Variants in SS18 observed in about 807,000 individuals in gnomAD.
SS18 encodes protein SSXT.
In SS18, 28 loss-of-function variants were observed where a neutral mutation model predicts 72.5. The ratio of observed to expected loss-of-function variants is 0.39; its 90% CI spans 0.29 to 0.53. The LOEUF (loss-of-function observed/expected upper bound fraction) is 0.53, where lower values mean the gene tolerates loss of function less well. SS18 is among the 20% of genes least tolerant of loss of function. The pLI is 0.76. For missense variants in SS18, 518 were observed against 535.3 expected, an observed-to-expected ratio of 0.97 and a Z score of 0.32; for synonymous variants, 172 against 164.2, an observed-to-expected ratio of 1.05 and a Z score of -0.37.
At chr18:26,057,533 G>T in intron 4 of SS18, 56 bp downstream of exon 4, 1 of 1,603,766 alleles carries the variant, frequency 6.2e-7, no homozygotes, top group South Asian at 1.1e-5. Flanking sequence ...GAGCCCCCAT[G>T]TCGTTTCAGT....
intron 2 of SS18, among the ~76,000 whole-genome samples, chr18:26,084,509 T>A (rs2054583480): frequency 6.6e-6 from 1 of 152,124 alleles, no homozygotes; most frequent in South Asian, 2.1e-4. Flanking sequence ...AACTTTATGG[T>A]GAACAAACCA....
chr18:26,027,786 C>A (rs187599655), intron 10 of SS18, among the ~76,000 whole-genome samples: 2 of 149,286 alleles, frequency 1.3e-5, no homozygotes, highest in Non-Finnish European at 3.0e-5. Flanking sequence ...TCATACTTCA[C>A]ACCATACATA....
chr18:26,047,259 C>CAAAAAAAAAAAAA (rs71169806), intron 5 of SS18, among the ~76,000 whole-genome samples: 6 of 75,738 alleles, frequency 7.9e-5, no homozygotes, highest in Admixed American at 1.6e-4. Flanking sequence ...AGTAATATGC[C>CAAAAAAAAAAAAA]AAAAAAAAAA....
At chr18:26,083,615 ATTTG>A (rs959281814) in intron 2 of SS18, among the ~76,000 whole-genome samples, 18 of 152,202 alleles carry the variant, frequency 1.2e-4, no homozygotes, top group African/African-American at 4.3e-4. Flanking sequence ...AATGGTAAGT[ATTTG>A]TTTATCTACA....
In SS18 at chr18:26,082,381, T is replaced by C. The variant is rs532881318; in HGVS notation, c.147-4221A>G. ...ACCTTACCTAGAAGCTATGAATATTTATTAGACAACGGGAATGCACTTTAT... is the reference window on the plus strand; with the variant it reads ...ACCTTACCTAGAAGCTATGAATATTCATTAGACAACGGGAATGCACTTTAT... On this transcript the variant is annotated intron_variant, in intron 2 of 10. Coordinates refer to ENST00000415083, the MANE Select transcript of SS18 (RefSeq NM_001007559.3). 1.9e-4 allele frequency: 178 copies of C among 951,462 alleles called. No individual in the cohort carries two copies. The African/African-American group carries it at 2.9e-3, about 16-fold the overall frequency. The allele number at this position is 951,462 out of a possible 1,614,324, so 58.9% of individuals were successfully genotyped here. A position where few individuals can be genotyped will look rare whatever the true frequency, so the allele number is the denominator to read the frequency against.
chr18:26,036,089 A>G (rs1157823771), intron 7 of SS18, among the ~76,000 whole-genome samples, 166 bp from the exon 8 acceptor site: 1 of 152,226 alleles, frequency 6.6e-6, no homozygotes, highest in Non-Finnish European at 1.5e-5. Context: ...GATTGTTTTC[A>G]TATTGAGATA....
At chr18:26,034,541 G>T (rs2053595810) in intron 9 of SS18, among the ~76,000 whole-genome samples, 1 of 150,104 alleles carries the variant, frequency 6.7e-6, no homozygotes, top group African/African-American at 2.5e-5. Flanking sequence ...TTTAGGGAAT[G>T]ACAAAAACAT....
chr18:26,058,755 C>T (rs1195884895), intron 3 of SS18, among the ~76,000 whole-genome samples: 1 of 152,206 alleles, frequency 6.6e-6, no homozygotes, highest in South Asian at 2.1e-4. Context: ...TAATAGCACA[C>T]ATTTTAAAAT....
intron 7 of SS18, among the ~76,000 whole-genome samples, chr18:26,038,066 C>T (rs2053655364): frequency 6.6e-6 from 1 of 152,052 alleles, no homozygotes; most frequent in East Asian, 1.9e-4. Flanking sequence ...TTCTCAAAGG[C>T]AAGCACTAAT....
chr18:26,063,206 C>T (rs141021735), intron 3 of SS18, among the ~76,000 whole-genome samples: 15 of 143,118 alleles, frequency 1.0e-4, no homozygotes, highest in East Asian at 9.6e-4. Flanking sequence ...ATCAGTAGGC[C>T]GGGCACAGTG....
rs1002570260 is a variant in SS18, at chr18:26,090,417, G to T, written c.69+84C>A. On this transcript the variant is annotated intron_variant, in intron 1 of 10. Transcript: ENST00000415083. ...GGCCCGCCTCCGCCTCGGCCCGGTC[G>T]ACTCCGGGCCCGGCCCTTCCCCCCG... 5.0e-6 allele frequency: 7 copies of T among 1,395,058 alleles called. 1 individual carries two copies. The Middle Eastern group carries it at 1.2e-3, about 237-fold the overall frequency. The allele number at this position is 1,395,058 out of a possible 1,614,324, so 86.4% of individuals were successfully genotyped here.
chr18:26,046,824 T>C (rs1379566259), intron 5 of SS18, among the ~76,000 whole-genome samples: 3 of 152,228 alleles, frequency 2.0e-5, no homozygotes, highest in East Asian at 3.9e-4. Flanking sequence ...AACTGACAGA[T>C]GCACAGTGAC....
intron 3 of SS18, among the ~76,000 whole-genome samples, chr18:26,069,934 A>T (rs2054284922): frequency 6.6e-6 from 1 of 152,220 alleles, no homozygotes; most frequent in African/African-American, 2.4e-5. Flanking sequence ...CCATTTCTTC[A>T]AAGTATGTTT....
intron 3 of SS18, among the ~76,000 whole-genome samples, chr18:26,060,397 G>A (rs2054097986): frequency 1.3e-5 from 2 of 152,086 alleles, no homozygotes; most frequent in Admixed American, 6.6e-5. Context: ...TGGGGAGAGG[G>A]GGAGAATTGA....
chr18:26,081,815 T>C (rs2054528762), intron 2 of SS18, among the ~76,000 whole-genome samples: 1 of 152,136 alleles, frequency 6.6e-6, no homozygotes, highest in Non-Finnish European at 1.5e-5. Flanking sequence ...CCCAGCACTT[T>C]GGGAGGCTGA....
In SS18 at chr18:26,087,504, G is replaced by T; in HGVS notation, c.143C>A (p.Ser48Tyr). The change falls in exon 2 of 11, where the codon TCT (serine) becomes TAT (tyrosine). Residue 48 changes from serine (S) to tyrosine (Y), a missense_variant. Physicochemically the swap from Ser to Tyr is moderately radical, Grantham distance 144. Coordinates refer to ENST00000415083, the MANE Select transcript of SS18 (RefSeq NM_001007559.3). ...SQNKGKTSEC[S>Y]QYQQMLHTNL... ...AAAAGTTTCTTATCAATCTTACTGA[G>T]AACACTCTGAGGTCTTTCCTTTATT... 6.4e-7 allele frequency: 1 copy of T among 1,567,908 alleles called. No homozygotes were observed. Among genetic ancestry groups the T allele is most frequent in the South Asian group, 1.2e-5 (1 of 85,420 alleles).
In SS18 at chr18:26,060,337, G is replaced by A. The variant is rs1407398639; in HGVS notation, c.232-2595C>T. On this transcript the variant is annotated intron_variant, in intron 3 of 10. Coordinates refer to ENST00000415083, the MANE Select transcript of SS18 (RefSeq NM_001007559.3). ...TGATTCTATTCATAAGAAATGTCCAGACTAGGCAAATTCAGAGAGACAGAA... is the reference window on the plus strand; with the variant it reads ...TGATTCTATTCATAAGAAATGTCCAAACTAGGCAAATTCAGAGAGACAGAA... Among the ~76,000 whole-genome samples, 3 of 152,258 alleles carry A rather than the reference G, an allele frequency of 2.0e-5. No individual in the cohort carries two copies. In the East Asian group the frequency reaches 5.8e-4, roughly 29 times the overall value.
intron 7 of SS18, among the ~76,000 whole-genome samples, chr18:26,036,249 A>G (rs1194419925): frequency 1.3e-5 from 2 of 152,208 alleles, no homozygotes; most frequent in African/African-American, 4.8e-5. Context: ...TAAATAACCT[A>G]AATTAAATTA....
intron 7 of SS18, among the ~76,000 whole-genome samples, chr18:26,038,329 A>G (rs1476591819): frequency 6.6e-6 from 1 of 152,196 alleles, no homozygotes; most frequent in Non-Finnish European, 1.5e-5. Flanking sequence ...AAGGATTCCA[A>G]TGACAGACTG....
Sources: gnomAD v4.1 joint callset for allele counts (sites outside exome capture counted in the v4.1 genomes callset) on GRCh38, gnomAD v4.1.1 for gene constraint, MANE v1.5 for transcripts, NCBI Gene and HGNC (gene_info 2026-07-23, HGNC 2026-07-21) for gene names.